Variants in ZKSCAN7 observed in about 807,000 individuals in gnomAD.
ZKSCAN7 encodes zinc finger with KRAB and SCAN domains 7.
ZKSCAN7 carries 38 observed loss-of-function variants against 65.3 expected under a neutral mutation model. That is an observed-to-expected ratio of 0.58 (90% CI 0.45 to 0.76). The LOEUF is 0.76. ZKSCAN7 is among the 30% of genes least tolerant of loss of function. The pLI is 0.00. For missense variants in ZKSCAN7, 815 were observed against 913.3 expected, an observed-to-expected ratio of 0.89 and a Z score of 1.39; for synonymous variants, 321 against 321.0, an observed-to-expected ratio of 1.00 and a Z score of 0.00.
At chr3:44,574,215 G>C (rs2125729629), downstream of ZKSCAN7, among the ~76,000 whole-genome samples, 1 of 152,200 alleles carries the variant, frequency 6.6e-6, no homozygotes, top group South Asian at 2.1e-4. Flanking sequence ...AGGCTCAGGT[G>C]ATTCTCCCAC....
intron 2 of ZKSCAN7, among the ~76,000 whole-genome samples, chr3:44,562,625 A>C (rs559823543): frequency 6.6e-6 from 1 of 152,344 alleles, no homozygotes; most frequent in South Asian, 2.1e-4. Flanking sequence ...TTGTTCACAA[A>C]TATGAGTGGA....
Position 44,570,769 on chromosome 3 carries a change from T to A in ZKSCAN7, c.1659T>A (p.Cys553Ter), listed in dbSNP as rs1348121855. ...ACACTGGGGAGAAGCCTTATGAGTGTAGTGAATGTGGCAAAGCCTTCAGTC... is the reference window on the plus strand; with the variant it reads ...ACACTGGGGAGAAGCCTTATGAGTGAAGTGAATGTGGCAAAGCCTTCAGTC... ...RIHTGEKPYECSECGKAFSRS... is the reference protein window; with the variant it reads ...RIHTGEKPYE The change falls in exon 6 of 6, where the codon TGT becomes TGA. Residue 553 changes from cysteine to a stop codon, truncating the protein, a stop_gained. Transcript: ENST00000426540. LOFTEE classifies it high-confidence loss of function. 6.2e-7 allele frequency: 1 copy of A among 1,614,034 alleles called. No homozygotes were observed. The highest frequency in any genetic ancestry group is 1.3e-5 in the African/African-American group (1 of 74,924).
In ZKSCAN7 at chr3:44,580,678, A is replaced by G. The variant is rs113119888; in HGVS notation, c.812-2294A>G. ...TCAGGCGTCAGAATACACAGGGAGA[A>G]CCTCTGGCCCGTGCGGCCCTCCCCA... On this transcript the variant is annotated intron_variant, in intron 5 of 5. Transcript: ENST00000341840. The G allele has an allele frequency of 4.3e-6, 7 of 1,613,414 alleles. No individual in the cohort carries two copies. In the Admixed American group the frequency reaches 1.0e-4, roughly 23 times the overall value.
rs1699695971 is a variant in ZKSCAN7 at position 44,568,374 on chromosome 3, G to T, written c.752G>T (p.Ser251Ile). 5 of 1,613,716 alleles carry T rather than the reference G, an allele frequency of 3.1e-6. No homozygotes were observed. Among genetic ancestry groups the T allele is most frequent in the Non-Finnish European group, 4.2e-6 (5 of 1,179,576 alleles). ...TQKKWKSLTL[S>I]QRALQWNMMP... ...AAGAAATGGAAAAGTCTCACACTCA[G>T]TCAGAGAGCCCTGCAGTGGAACATG... The change falls in exon 5 of 6, where the codon AGT becomes ATT. Residue 251 changes from serine (S) to isoleucine (I), a missense_variant. Transcript: ENST00000426540.
downstream of ZKSCAN7, among the ~76,000 whole-genome samples, chr3:44,573,876 T>C (rs1699874271): frequency 6.6e-6 from 1 of 152,182 alleles, no homozygotes; most frequent in South Asian, 2.1e-4. Flanking sequence ...AAAGAGTAGA[T>C]GTAGGGAATT....
Position 44,570,081 on chromosome 3 carries a change from G to A in ZKSCAN7, c.971G>A (p.Gly324Glu). ...GAAGATACTTTCAAGGAGTTAGAAG[G>A]ACAAACCTCAGATGAAGAAGGGAGC... is the stretch of plus-strand genomic sequence containing the variant. ...VCEDTFKELE[G>E]QTSDEEGSRL... Residue 324 changes from glycine (G) to glutamate (E), a missense_variant, in exon 6 of 6, where the codon GGA becomes GAA. Coordinates refer to ENST00000426540, the MANE Select transcript of ZKSCAN7 (RefSeq NM_001288590.2). 1 of 1,613,936 alleles carries A rather than the reference G, an allele frequency of 6.2e-7. No individual in the cohort carries two copies. The highest frequency in any genetic ancestry group is 8.5e-7 in the Non-Finnish European group (1 of 1,179,970).
chr3:44,560,974 A>C (rs958403336), intron 2 of ZKSCAN7, among the ~76,000 whole-genome samples: 6 of 152,222 alleles, frequency 3.9e-5, no homozygotes, highest in African/African-American at 1.4e-4. Flanking sequence ...TGGGAGGACC[A>C]GGATTTTCCA....
intron 1 of ZKSCAN7, among the ~76,000 whole-genome samples, chr3:44,555,810 A>G (rs115175012): frequency 0.025 from 3,880 of 152,332 alleles, 107 homozygotes; most frequent in African/African-American, 0.066. Flanking sequence ...CTGGAAGCAC[A>G]GCACAGATGC....
downstream of ZKSCAN7, among the ~76,000 whole-genome samples, chr3:44,575,895 T>A (rs114389305): frequency 0.033 from 4,966 of 152,262 alleles, 119 homozygotes; most frequent in Non-Finnish European, 0.053. Context: ...TATTATTATT[T>A]TTTAAAGTTC....
chr3:44,565,954 T>C (rs1480305154), intron 3 of ZKSCAN7, among the ~76,000 whole-genome samples: 2 of 152,222 alleles, frequency 1.3e-5, no homozygotes, highest in Non-Finnish European at 2.9e-5. Flanking sequence ...GAGTTAGTCA[T>C]GTGTAAGAAG....
chr3:44,571,586 T>C lies in ZKSCAN7; in HGVS notation c.*211T>C. ...AAGGACTACACATGTCATTGAATTG[T>C]AGGTTTCCTTTTTTTTTCTTTACTT... On this transcript the variant is annotated 3_prime_UTR_variant, in exon 6 of 6. Transcript: ENST00000426540. The C allele has an allele frequency of 7.3e-7, 1 of 1,369,086 alleles. No homozygotes were observed. Among genetic ancestry groups the C allele is most frequent in the South Asian group, 1.9e-5 (1 of 52,806 alleles). The allele number at this position is 1,369,086 out of a possible 1,614,324, so 84.8% of individuals were successfully genotyped here.
intron 2 of ZKSCAN7, among the ~76,000 whole-genome samples, chr3:44,561,276 AG>A (rs76892966): frequency 0.39 from 58,982 of 151,928 alleles, 12,671 homozygotes; most frequent in East Asian, 0.83. Flanking sequence ...AAGAGAATGC[AG>A]GGGGAAGTGA....
chr3:44,559,984 A>G (rs1699418789), intron 2 of ZKSCAN7, among the ~76,000 whole-genome samples: 1 of 152,216 alleles, frequency 6.6e-6, no homozygotes, highest in Non-Finnish European at 1.5e-5. Flanking sequence ...AGGGTGGCAG[A>G]AGGAAAATGT....
chr3:44,570,604 T>G lies in ZKSCAN7; in HGVS notation c.1494T>G (p.Asn498Lys). 1 of 1,614,130 alleles carries G rather than the reference T, an allele frequency of 6.2e-7. No individual in the cohort carries two copies. The highest frequency in any genetic ancestry group is 1.1e-5 in the South Asian group (1 of 91,060). Residue 498 changes from asparagine to lysine, a missense_variant, in exon 6 of 6, where the codon AAT (asparagine) becomes AAG (lysine). Transcript: ENST00000426540. Reference protein sequence around the residue: ...THTGEKPYECNECGEAFIRSK... With the variant: ...THTGEKPYECKECGEAFIRSK... Reference sequence around the variant, plus strand: ...CTGGGGAGAAACCTTATGAATGCAATGAGTGTGGAGAGGCATTCATTCGAA... The same window carrying G: ...CTGGGGAGAAACCTTATGAATGCAAGGAGTGTGGAGAGGCATTCATTCGAA...
chr3:44,558,737 T>C (rs1414327286), intron 2 of ZKSCAN7, among the ~76,000 whole-genome samples: 3 of 149,280 alleles, frequency 2.0e-5, no homozygotes, highest in Admixed American at 2.0e-4. Context: ...CCTTTTATTC[T>C]CTTTCTTCTT....
At chr3:44,563,746 A>G (rs1699552066) in intron 2 of ZKSCAN7, among the ~76,000 whole-genome samples, 1 of 152,038 alleles carries the variant, frequency 6.6e-6, no homozygotes, top group Non-Finnish European at 1.5e-5. Context: ...AACCATATCA[A>G]AGTCCTAGAT....
rs1402599174 is a variant in ZKSCAN7 at position 44,579,978 on chromosome 3, G to GC, written c.812-2994_812-2993insC. 108 of 1,570,282 alleles carry GC rather than the reference G, an allele frequency of 6.9e-5. 1 individual carries two copies. Among genetic ancestry groups the GC allele is most frequent in the Admixed American group, 2.2e-4 (13 of 59,282 alleles). On this transcript the variant is annotated intron_variant, in intron 5 of 5. Coordinates refer to the ZKSCAN7 transcript ENST00000341840. Reference sequence around the variant, plus strand: ...CGAGGCGTCTGGGAGAGGAGCTTGGGGGGGGGCTTCATTGGTGAAGTCCTG... The same window carrying GC: ...CGAGGCGTCTGGGAGAGGAGCTTGGGCGGGGGGCTTCATTGGTGAAGTCCTG...
intron 2 of ZKSCAN7, among the ~76,000 whole-genome samples, chr3:44,564,218 G>T (rs1337963253): frequency 6.6e-6 from 1 of 152,214 alleles, no homozygotes; most frequent in African/African-American, 2.4e-5. Context: ...ATAAGCAAGG[G>T]TTAGAAATAA....
chr3:44,580,514 C>A (rs1446745267), intron 5 of ZKSCAN7: 1 of 1,611,374 alleles, frequency 6.2e-7, no homozygotes, highest in African/African-American at 1.3e-5. Flanking sequence ...CCTTGGCAGG[C>A]CCAGGCTCCT....
Sources: gnomAD v4.1 joint callset for allele counts (sites outside exome capture counted in the v4.1 genomes callset) on GRCh38, gnomAD v4.1.1 for gene constraint, MANE v1.5 for transcripts, NCBI Gene and HGNC (gene_info 2026-07-23, HGNC 2026-07-21) for gene names.